The following SLC12A8 variants were observed in gnomAD, a reference collection of about 807,000 sequenced individuals.
The protein encoded by SLC12A8 is cation-chloride cotransporter 9.
SLC12A8 carries 69 observed loss-of-function variants against 75.6 expected under a neutral mutation model. That is an observed-to-expected ratio of 0.91 (90% CI 0.75 to 1.11). The LOEUF is 1.11. Among genes scored for constraint, SLC12A8 ranks in the 50% most tolerant of loss-of-function variants. SLC12A8 has a pLI of 0.00. For missense variants in SLC12A8, 877 were observed against 896.7 expected (o/e 0.98, Z 0.28); for synonymous variants, 365 against 372.8 (o/e 0.98, Z 0.24).
intron 5 of SLC12A8, among the ~76,000 whole-genome samples, chr3:125,160,859 GCC>G (rs10575887): frequency 0.82 from 124,704 of 151,796 alleles, 51,300 homozygotes; most frequent in African/African-American, 0.84. Flanking sequence ...ACAGGGCACA[GCC>G]AGAGCACTGG....
At chr3:125,120,017 G>C in intron 7 of SLC12A8, 1 of 401,692 alleles carries the variant, frequency 2.5e-6, no homozygotes, top group South Asian at 1.8e-5. Flanking sequence ...GGGAGCTGGA[G>C]GGGAGGCTCA....
chr3:125,102,444 G>A (rs779561675), intron 10 of SLC12A8, among the ~76,000 whole-genome samples: 24 of 152,130 alleles, frequency 1.6e-4, no homozygotes, highest in Non-Finnish European at 2.6e-4. Flanking sequence ...ACACGGAAGG[G>A]GTTAAATTCC....
intron 5 of SLC12A8, among the ~76,000 whole-genome samples, chr3:125,150,069 A>G (rs947113324): frequency 7.2e-5 from 11 of 152,314 alleles, no homozygotes; most frequent in Admixed American, 7.2e-4. Flanking sequence ...ACTTATTTAC[A>G]TACAATTTTG....
At chr3:125,163,776 C>T (rs963172473) in intron 5 of SLC12A8, among the ~76,000 whole-genome samples, 2 of 152,204 alleles carry the variant, frequency 1.3e-5, no homozygotes, top group Non-Finnish European at 2.9e-5. Flanking sequence ...CAGAAATTCT[C>T]CCTGATGCTG....
At chr3:125,130,930 A>G (rs949928346) in intron 6 of SLC12A8, among the ~76,000 whole-genome samples, 1 of 152,168 alleles carries the variant, frequency 6.6e-6, no homozygotes, top group African/African-American at 2.4e-5. Flanking sequence ...TGACCAGGCA[A>G]AGAGGCCTTC....
At chr3:125,096,581 A>G (rs1938716779) in intron 10 of SLC12A8, among the ~76,000 whole-genome samples, 1 of 152,192 alleles carries the variant, frequency 6.6e-6, no homozygotes, top group Non-Finnish European at 1.5e-5. Flanking sequence ...GCCTCCAAGT[A>G]TTATGCTTAT....
At chr3:125,181,061 T>C (rs532763907) in intron 4 of SLC12A8, among the ~76,000 whole-genome samples, 1 of 152,280 alleles carries the variant, frequency 6.6e-6, no homozygotes, top group South Asian at 2.1e-4. Context: ...TAAGTTTAAT[T>C]ATGACTTCTG....
intron 10 of SLC12A8, among the ~76,000 whole-genome samples, chr3:125,105,785 T>G (rs1460704570): frequency 6.6e-6 from 1 of 152,072 alleles, no homozygotes; most frequent in Non-Finnish European, 1.5e-5. Flanking sequence ...ATTTCAGCAC[T>G]TTGGGAGGCT....
At chr3:125,095,306 C>A (rs975028382) in intron 10 of SLC12A8, among the ~76,000 whole-genome samples, 1 of 152,176 alleles carries the variant, frequency 6.6e-6, no homozygotes. Context: ...ATAAATAACA[C>A]CACCATTTAC....
At chr3:125,202,713 C>T (rs1328826372) in intron 2 of SLC12A8, among the ~76,000 whole-genome samples, 1 of 151,428 alleles carries the variant, frequency 6.6e-6, no homozygotes, top group South Asian at 2.1e-4. Flanking sequence ...CATGAAAAAC[C>T]TCTACAATGA....
chr3:125,114,980 G>A (rs1405496898), intron 8 of SLC12A8, among the ~76,000 whole-genome samples: 3 of 152,160 alleles, frequency 2.0e-5, no homozygotes, highest in South Asian at 2.1e-4. Flanking sequence ...ATTAAATATG[G>A]TGGATTTGTG....
chr3:125,128,991 G>C (rs1292000492), intron 6 of SLC12A8, among the ~76,000 whole-genome samples: 1 of 152,176 alleles, frequency 6.6e-6, no homozygotes, highest in Non-Finnish European at 1.5e-5. Context: ...GTCAGGCCCA[G>C]GGAGGTCAAA....
At chr3:125,203,399 CA>C (rs1935165596) in intron 2 of SLC12A8, among the ~76,000 whole-genome samples, 1 of 152,042 alleles carries the variant, frequency 6.6e-6, no homozygotes, top group Non-Finnish European at 1.5e-5. Context: ...ACACATAAAC[CA>C]AAGGAACAGA....
At chr3:125,122,224 T>G (rs1204856110) in intron 6 of SLC12A8, among the ~76,000 whole-genome samples, 1 of 152,248 alleles carries the variant, frequency 6.6e-6, no homozygotes, top group East Asian at 1.9e-4. Context: ...GAACATGTTT[T>G]AAAACATTAA....
At chr3:125,204,723 A>G (rs904726980) in intron 2 of SLC12A8, among the ~76,000 whole-genome samples, 3 of 152,312 alleles carry the variant, frequency 2.0e-5, no homozygotes, top group East Asian at 3.9e-4. Flanking sequence ...CTAGAGGAGA[A>G]GATTTGAAAT....
chr3:125,188,054 A>C (rs1304234622), intron 3 of SLC12A8, among the ~76,000 whole-genome samples: 1 of 152,122 alleles, frequency 6.6e-6, no homozygotes, highest in African/African-American at 2.4e-5. Flanking sequence ...CTCATGTCGA[A>C]ATGTGATCCC....
Position 125,107,859 on chromosome 3 carries a change from A to C in SLC12A8, c.1327T>G (p.Ser443Ala). ...LLLEKAPSYG[S>A]EGPAQRVLEG... ...AAGACTCTTTGGGCAGGTCCCTCAG[A>C]GCCGTAACTGGGAGCTTTCTCTAAG... Residue 443 changes from serine to alanine, a missense_variant, in exon 10 of 14, where the codon TCT becomes GCT. Physicochemically the swap from Ser to Ala is moderately conservative, Grantham distance 99 (BLOSUM62 1). Coordinates refer to ENST00000469902, the MANE Select transcript of SLC12A8 (RefSeq NM_024628.6). 1 of 1,614,142 alleles carries C rather than the reference A, an allele frequency of 6.2e-7. No homozygotes were observed.
At position 125,190,234 on chromosome 3, in the gene SLC12A8, T is replaced by C. The variant is rs948368157; in HGVS notation, c.198+141A>G. 3 of 863,732 alleles carry C rather than the reference T, an allele frequency of 3.5e-6. No individual in the cohort carries two copies. The Admixed American group carries it at 7.3e-5, about 21-fold the overall frequency. 53.5% of individuals were successfully genotyped at this position (863,732 alleles called of 1,614,324 possible). On this transcript the variant is annotated intron_variant, in intron 3 of 13. Coordinates refer to ENST00000469902, the MANE Select transcript of SLC12A8 (RefSeq NM_024628.6). ...CTCATTTAACAAGCAATGCTAGCTA[T>C]TCATCGTGCTTGCTTCTGTTTCGTG...
At chr3:125,211,167 T>C (rs186165022) in intron 2 of SLC12A8, 132 bp downstream of exon 2, 1 of 773,156 alleles carries the variant, frequency 1.3e-6, no homozygotes, top group Admixed American at 1.8e-5. Flanking sequence ...CTCATTGAAC[T>C]GGATGACCAA....
Sources: gnomAD v4.1 joint callset for allele counts (sites outside exome capture counted in the v4.1 genomes callset) on GRCh38, gnomAD v4.1.1 for gene constraint, MANE v1.5 for transcripts, NCBI Gene and HGNC (gene_info 2026-07-23, HGNC 2026-07-21) for gene names.